The following AASDH variants were observed in gnomAD, a reference collection of about 807,000 sequenced individuals.
The protein encoded by AASDH is aminoadipate-semialdehyde dehydrogenase, also known as beta-alanine-activating enzyme.
AASDH carries 81 observed loss-of-function variants against 102.3 expected under a neutral mutation model. That is an observed-to-expected ratio of 0.79 (90% CI 0.66 to 0.95). The LOEUF is 0.95. AASDH is among the 40% of genes least tolerant of loss of function. The pLI is 0.00. For missense variants in AASDH, 1,203 were observed against 1,266.2 expected, an observed-to-expected ratio of 0.95 and a Z score of 0.76; for synonymous variants, 398 against 454.0, an observed-to-expected ratio of 0.88 and a Z score of 1.57.
At chr4:56,377,873 C>T (rs1447179231) in intron 4 of AASDH, among the ~76,000 whole-genome samples, 1 of 152,126 alleles carries the variant, frequency 6.6e-6, no homozygotes, top group Non-Finnish European at 1.5e-5. Flanking sequence ...GGCATAGTCT[C>T]AGCTCACTGC....
rs1476549886 is a variant in AASDH at position 56,382,458 on chromosome 4, T to C, written c.351+19A>G. On this transcript the variant is annotated intron_variant, in intron 3 of 14. Transcript: ENST00000205214. ...TAAATGTAATACAGGCAAAAAACAA[T>C]TGAAACATCCAGACTTACATTAATT... 2 of 1,527,714 alleles carry C rather than the reference T, an allele frequency of 1.3e-6. No homozygotes were observed. The highest frequency in any genetic ancestry group is 1.4e-5 in the African/African-American group (1 of 72,312). 94.6% of individuals were successfully genotyped at this position (1,527,714 alleles called of 1,614,324 possible).
Position 56,351,373 on chromosome 4 carries a change from T to TCCTCTCCCA in AASDH, c.1660_1661insTGGGAGAGG (p.Glu553_Asp554insValGlyGlu), listed in dbSNP as rs747906678. The TCCTCTCCCA allele has an allele frequency of 6.3e-7, 1 of 1,598,274 alleles. No individual in the cohort carries two copies. The highest frequency in any genetic ancestry group is 8.6e-7 in the Non-Finnish European group (1 of 1,168,470). ...CAAATACTGTAATTTTTCCCAAAGG[T>TCCTCTCCCA]CCTCTTTCCCACTGAGCTTATTCTC... On this transcript the variant is annotated inframe_insertion, in exon 10 of 15. Transcript: ENST00000205214.
intron 9 of AASDH, 72 bp downstream of exon 9, chr4:56,353,332 T>C: frequency 8.2e-7 from 1 of 1,226,472 alleles, no homozygotes; most frequent in Non-Finnish European, 1.1e-6. Flanking sequence ...AGATTTATGT[T>C]ATCATTAAGC....
At position 56,380,085 on chromosome 4, in the gene AASDH, C is replaced by T. The variant is rs566473250; in HGVS notation, c.352-1621G>A. Among the ~76,000 whole-genome samples the T allele has an allele frequency of 6.6e-5, 10 of 152,192 alleles. No individual in the cohort carries two copies. In the East Asian group the frequency reaches 1.5e-3, roughly 23 times the overall value. ...ATTTAATGAGTCTTTTGCAGTAATTCGGATATACTATATGGTCCTGAACTA... is the reference window on the plus strand; with the variant it reads ...ATTTAATGAGTCTTTTGCAGTAATTTGGATATACTATATGGTCCTGAACTA... On this transcript the variant is annotated intron_variant, in intron 3 of 14. Coordinates refer to ENST00000205214, the MANE Select transcript of AASDH (RefSeq NM_181806.4).
chr4:56,345,072 A>G (rs944434308), intron 12 of AASDH, 55 bp downstream of exon 12: 5 of 1,582,068 alleles, frequency 3.2e-6, no homozygotes, highest in Non-Finnish European at 4.3e-6. Flanking sequence ...CTCTGGAGTA[A>G]CTACCATTAC....
At chr4:56,387,157 G>A (rs1387674227) in intron 1 of AASDH, among the ~76,000 whole-genome samples, 1 of 152,186 alleles carries the variant, frequency 6.6e-6, no homozygotes, top group African/African-American at 2.4e-5. Flanking sequence ...TGAATGGAGG[G>A]GCGGAGGCTA....
intron 11 of AASDH, among the ~76,000 whole-genome samples, chr4:56,348,429 A>G (rs1748575729): frequency 1.3e-5 from 2 of 151,958 alleles, no homozygotes; most frequent in Non-Finnish European, 1.5e-5. Flanking sequence ...TAATGTTTGT[A>G]TTTTTTGTAG....
rs1283503294 is a variant in AASDH, at chr4:56,338,488, G to GAGA, written c.3208_3210dup (p.Ser1070dup). Reference sequence around the variant, plus strand: ...ATGAGCATTGATTCCAGGACCACAGGAGAAGAGAAGACTTCTCCAGGAAGT... The same window carrying GAGA: ...ATGAGCATTGATTCCAGGACCACAGGAGAAGAAGAGAAGACTTCTCCAGGAAGT... On this transcript the variant is annotated inframe_insertion, in exon 15 of 15. Transcript: ENST00000205214. 6.2e-7 allele frequency: 1 copy of GAGA among 1,613,808 alleles called. No individual in the cohort carries two copies. Among genetic ancestry groups the GAGA allele is most frequent in the Non-Finnish European group, 8.5e-7 (1 of 1,179,968 alleles).
At chr4:56,340,121 A>G (rs1747485974) in intron 14 of AASDH, among the ~76,000 whole-genome samples, 1 of 152,222 alleles carries the variant, frequency 6.6e-6, no homozygotes, top group African/African-American at 2.4e-5. Flanking sequence ...GTGAGCCAAA[A>G]TTGTGCCAGT....
At chr4:56,364,694 G>C (rs1750765516) in intron 5 of AASDH, among the ~76,000 whole-genome samples, 1 of 152,168 alleles carries the variant, frequency 6.6e-6, no homozygotes, top group South Asian at 2.1e-4. Flanking sequence ...CACCAGGCCT[G>C]CCCTAAAAGA....
rs200530636 is a variant in AASDH, at chr4:56,354,124, T to G, written c.1298A>C (p.Lys433Thr). ...MRATGDFVTV[K>T]DGEIFFLGRK... Reference sequence around the variant, plus strand: ...TCCCAAAAAAAAAATCTCTCCATCTTTCACAGTCACAAAGTCTCCTGTAGC... The same window carrying G: ...TCCCAAAAAAAAAATCTCTCCATCTGTCACAGTCACAAAGTCTCCTGTAGC... Residue 433 changes from lysine to threonine, a missense_variant, in exon 8 of 15, where the codon AAA (lysine) becomes ACA (threonine). Coordinates refer to ENST00000205214, the MANE Select transcript of AASDH (RefSeq NM_181806.4). 1.2e-5 allele frequency: 19 copies of G among 1,613,482 alleles called. 1 individual carries two copies. In the South Asian group the frequency reaches 2.1e-4, roughly 18 times the overall value.
chr4:56,362,155 T>G (rs1404954820), intron 5 of AASDH, among the ~76,000 whole-genome samples: 2 of 152,204 alleles, frequency 1.3e-5, no homozygotes, highest in Admixed American at 6.5e-5. Flanking sequence ...CTCCAAAGCT[T>G]AGTCCATTTC....
intron 14 of AASDH, among the ~76,000 whole-genome samples, chr4:56,340,264 A>T (rs1560559502): frequency 6.6e-6 from 1 of 152,262 alleles, no homozygotes; most frequent in African/African-American, 2.4e-5. Context: ...AGCTGGAGGC[A>T]TCACAGTAAC....
intron 5 of AASDH, among the ~76,000 whole-genome samples, chr4:56,359,369 C>G (rs186893903): frequency 9.8e-4 from 149 of 152,030 alleles, no homozygotes; most frequent in African/African-American, 3.4e-3. Context: ...AAGTGATTCT[C>G]CTGCCTCAGC....
At chr4:56,351,506 C>A in intron 9 of AASDH, 49 bp from the exon 10 acceptor site, 1 of 1,060,818 alleles carries the variant, frequency 9.4e-7, no homozygotes, top group Non-Finnish European at 1.4e-6. Context: ...TTTAAAATTT[C>A]ACTCAAAGCC....
chr4:56,377,998 C>T, intron 4 of AASDH, 150 bp downstream of exon 4: 2 of 721,826 alleles, frequency 2.8e-6, no homozygotes, highest in South Asian at 2.1e-5. Context: ...GTAGAGACAG[C>T]TTTCACCATG....
intron 1 of AASDH, among the ~76,000 whole-genome samples, chr4:56,386,944 T>C (rs1426376966): frequency 1.3e-5 from 2 of 152,098 alleles, no homozygotes; most frequent in Admixed American, 1.3e-4. Context: ...GCAAATTCAA[T>C]TGCTATGGGG....
intron 3 of AASDH, among the ~76,000 whole-genome samples, chr4:56,381,388 T>C (rs1168700355): frequency 6.6e-6 from 1 of 152,034 alleles, no homozygotes; most frequent in Non-Finnish European, 1.5e-5. Flanking sequence ...CTGGCCAACA[T>C]GGTGAAACCT....
At chr4:56,385,468 G>C (rs533411352) in intron 1 of AASDH, among the ~76,000 whole-genome samples, 2 of 152,248 alleles carry the variant, frequency 1.3e-5, no homozygotes, top group African/African-American at 4.8e-5. Flanking sequence ...TTTCAAGAAA[G>C]AAACACTCGG....
Sources: gnomAD v4.1 joint callset for allele counts (sites outside exome capture counted in the v4.1 genomes callset) on GRCh38, gnomAD v4.1.1 for gene constraint, MANE v1.5 for transcripts, NCBI Gene and HGNC (gene_info 2026-07-23, HGNC 2026-07-21) for gene names.